The following RGS10 variants were observed in gnomAD, a reference collection of about 807,000 sequenced individuals.
RGS10 encodes the protein regulator of G-protein signalling 10.
RGS10 carries 11 observed loss-of-function variants against 23.5 expected under a neutral mutation model. The observed-to-expected ratio is 0.47, with a 90% CI of 0.29 to 0.77. The LOEUF (loss-of-function observed/expected upper bound fraction) is 0.77. Among genes scored for constraint, RGS10 ranks in the 30% least tolerant of loss-of-function variants. RGS10 has a pLI of 0.08. For missense variants in RGS10, 180 were observed against 226.3 expected, an observed-to-expected ratio of 0.80 and a Z score of 1.31; for synonymous variants, 77 against 83.2, an observed-to-expected ratio of 0.92 and a Z score of 0.41.
At chr10:119,521,296 C>T (rs759179709) in intron 3 of RGS10, among the ~76,000 whole-genome samples, 2 of 151,936 alleles carry the variant, frequency 1.3e-5, no homozygotes, top group Admixed American at 6.6e-5. Context: ...AATTGCTGGG[C>T]GTGGTGGTTC....
chr10:119,540,358 C>T (rs1844425127), intron 1 of RGS10, among the ~76,000 whole-genome samples: 1 of 152,204 alleles, frequency 6.6e-6, no homozygotes, highest in Non-Finnish European at 1.5e-5. Flanking sequence ...TCAAGCCATC[C>T]TCTCACTTCA....
rs375718875 is a variant in RGS10, at chr10:119,529,518, G to A, written c.50-2094C>T. Among the ~76,000 whole-genome samples, 146 of 152,170 alleles carry A rather than the reference G, an allele frequency of 9.6e-4. 1 individual carries two copies. The highest frequency in any genetic ancestry group is 3.4e-3 in the Middle Eastern group (1 of 294). On this transcript the variant is annotated intron_variant, in intron 1 of 4. Coordinates refer to ENST00000369103, the MANE Select transcript of RGS10 (RefSeq NM_001005339.2). ...CCCCAATTCAAAACTATAGGATCTTGGGCAAAATTCTTGTGTATATTTGAA... is the reference window on the plus strand; with the variant it reads ...CCCCAATTCAAAACTATAGGATCTTAGGCAAAATTCTTGTGTATATTTGAA...
intron 3 of RGS10, among the ~76,000 whole-genome samples, chr10:119,519,441 GT>G (rs1163350000): frequency 7.8e-6 from 1 of 127,660 alleles, no homozygotes; most frequent in Non-Finnish European, 1.6e-5. Context: ...CTCCCTGTCT[GT>G]CCCCCAGCTC....
At position 119,535,273 on chromosome 10, in the gene RGS10, A is replaced by G. The variant is rs1194620155; in HGVS notation, c.49+7317T>C. On this transcript the variant is annotated intron_variant, in intron 1 of 4. Coordinates refer to ENST00000369103, the MANE Select transcript of RGS10 (RefSeq NM_001005339.2). ...CTGTTAAGAGTCCAATCCATGCAGA[A>G]AAAAAAAAAAAAAAAGTCACATAAG... is the stretch of plus-strand genomic sequence containing the variant. 2.2e-5 allele frequency among the ~76,000 whole-genome samples: 3 copies of G among 138,026 alleles called. No homozygotes were observed. In the Admixed American group the frequency reaches 2.4e-4, roughly 11 times the overall value. 90.6% of individuals were successfully genotyped at this position (138,026 alleles called of 152,430 possible).
chr10:119,523,482 T>C lies in RGS10; in HGVS notation c.255+2550A>G, dbSNP rs567257697. On this transcript the variant is annotated intron_variant, in intron 3 of 4. Transcript: ENST00000369103. Reference sequence around the variant, plus strand: ...AAGTTCTAGACCAGCCTGGCAAACATGGTGAAACCCTGTCTCTATTCAAAA... The same window carrying C: ...AAGTTCTAGACCAGCCTGGCAAACACGGTGAAACCCTGTCTCTATTCAAAA... Among the ~76,000 whole-genome samples the C allele has an allele frequency of 7.9e-5, 12 of 151,254 alleles. No homozygotes were observed. The East Asian group carries it at 2.1e-3, about 27-fold the overall frequency.
chr10:119,529,386 G>A (rs1286313514), intron 1 of RGS10, among the ~76,000 whole-genome samples: 23 of 152,074 alleles, frequency 1.5e-4, no homozygotes, highest in Non-Finnish European at 5.9e-5. Context: ...CCTGGGAGGC[G>A]GAGGTTGCAG....
At chr10:119,531,442 A>C (rs889136622) in intron 1 of RGS10, among the ~76,000 whole-genome samples, 1 of 152,218 alleles carries the variant, frequency 6.6e-6, no homozygotes, top group Admixed American at 6.5e-5. Context: ...AAATACACAC[A>C]GTAGATTACC....
At chr10:119,502,616 G>T (rs1843965058) in intron 4 of RGS10, among the ~76,000 whole-genome samples, 1 of 152,164 alleles carries the variant, frequency 6.6e-6, no homozygotes, top group Non-Finnish European at 1.5e-5. Context: ...AGGGAAGGAG[G>T]CTGCTTCGGC....
chr10:119,532,978 T>C (rs1844346384), intron 1 of RGS10, among the ~76,000 whole-genome samples: 1 of 144,644 alleles, frequency 6.9e-6, no homozygotes, highest in African/African-American at 2.6e-5. Flanking sequence ...AAGCAGAAAC[T>C]ACAGTGAGCC....
At chr10:119,504,229 A>G (rs1843984898) in intron 4 of RGS10, among the ~76,000 whole-genome samples, 1 of 152,222 alleles carries the variant, frequency 6.6e-6, no homozygotes, top group African/African-American at 2.4e-5. Context: ...CCACTCTGTC[A>G]CCCAGGCTGG....
At chr10:119,504,930 C>T (rs915382896) in intron 4 of RGS10, among the ~76,000 whole-genome samples, 1 of 152,216 alleles carries the variant, frequency 6.6e-6, no homozygotes, top group Admixed American at 6.5e-5. Flanking sequence ...TGAGCGAATA[C>T]GTTTCTGCTG....
intron 1 of RGS10, among the ~76,000 whole-genome samples, chr10:119,536,276 A>G (rs552455350): frequency 3.9e-5 from 6 of 152,196 alleles, no homozygotes; most frequent in Non-Finnish European, 7.3e-5. Context: ...TCCACTCAGA[A>G]AGGGCATCGT....
At position 119,515,599 on chromosome 10, in the gene RGS10, T is replaced by C; in HGVS notation, c.309A>G (p.Ser103=). The change falls in exon 4 of 5, where the codon TCA becomes TCG. Residue 103 remains serine (S), a synonymous_variant. Transcript: ENST00000369103. ...ACTGCCCCTCCACGTTGACCTGTGATGAGGCCTTGCTGGACAGAAAGGTCA... is the reference window on the plus strand; with the variant it reads ...ACTGCCCCTCCACGTTGACCTGTGACGAGGCCTTGCTGGACAGAAAGGTCA... The part of the protein sequence containing the change: ...IYMTFLSSKA[S]SQVNVEGQSR... 2 of 1,614,192 alleles carry C rather than the reference T, an allele frequency of 1.2e-6. No individual in the cohort carries two copies. The highest frequency in any genetic ancestry group is 2.2e-5 in the South Asian group (2 of 91,080).
At chr10:119,522,342 A>G (rs898392253) in intron 3 of RGS10, among the ~76,000 whole-genome samples, 1 of 152,214 alleles carries the variant, frequency 6.6e-6, no homozygotes, top group Non-Finnish European at 1.5e-5. Context: ...GGAGAGAGAA[A>G]AATCCTCCCA....
chr10:119,537,323 C>T (rs1467260642), intron 1 of RGS10, among the ~76,000 whole-genome samples: 2 of 147,656 alleles, frequency 1.4e-5, no homozygotes, highest in African/African-American at 2.5e-5. Context: ...TAGAGGTTGC[C>T]GTGAGCCGAG....
chr10:119,505,391 C>G (rs939865728), intron 4 of RGS10, among the ~76,000 whole-genome samples: 3 of 150,018 alleles, frequency 2.0e-5, no homozygotes. Context: ...GTTTTGGCAG[C>G]CCCACATCTG....
chr10:119,510,900 A>T (rs545364579), intron 4 of RGS10, among the ~76,000 whole-genome samples: 1 of 151,638 alleles, frequency 6.6e-6, no homozygotes, highest in African/African-American at 2.4e-5. Flanking sequence ...TTGTATTTTT[A>T]GTAGAGACGG....
intron 4 of RGS10, among the ~76,000 whole-genome samples, chr10:119,507,074 A>G (rs1367532836): frequency 6.6e-6 from 1 of 152,180 alleles, no homozygotes; most frequent in African/African-American, 2.4e-5. Context: ...GACCCTCGTG[A>G]GGCAGATGGC....
chr10:119,515,488 C>G, intron 4 of RGS10, 21 bp downstream of exon 4: 1 of 1,613,522 alleles, frequency 6.2e-7, no homozygotes, highest in Non-Finnish European at 8.5e-7. Flanking sequence ...AATCAAGGTG[C>G]AGGCAGGGAA....
Sources: allele counts gnomAD v4.1 joint callset (sites outside exome capture counted in the v4.1 genomes callset), GRCh38; gene constraint gnomAD v4.1.1; transcripts MANE v1.5; gene names NCBI Gene and HGNC (gene_info 2026-07-23, HGNC 2026-07-21).